Variants in SARNP observed in about 807,000 individuals in gnomAD.
The protein encoded by SARNP is SAP domain-containing ribonucleoprotein.
SARNP carries 5 observed loss-of-function variants against 38.1 expected under a neutral mutation model. The observed-to-expected ratio is 0.13, with a 90% CI of 0.07 to 0.28. The LOEUF (loss-of-function observed/expected upper bound fraction) is 0.28, where lower values mean the gene tolerates loss of function less well. Ranked by LOEUF, SARNP falls within the 10% of genes least tolerant of loss-of-function variation. The pLI is 1.00. For missense variants in SARNP, 180 were observed against 243.9 expected, an observed-to-expected ratio of 0.74 and a Z score of 1.75; for synonymous variants, 84 against 80.6, an observed-to-expected ratio of 1.04 and a Z score of -0.23.
chr12:55,774,581 A>AAAAAAAC (rs1879114961), intron 9 of SARNP, among the ~76,000 whole-genome samples: 2 of 29,732 alleles, frequency 6.7e-5, no homozygotes, highest in African/African-American at 1.1e-4. Flanking sequence ...AAAACAAACA[A>AAAAAAAC]AAAAAAAAAA....
chr12:55,772,148 A>G (rs1366196048), intron 9 of SARNP, among the ~76,000 whole-genome samples: 1 of 152,202 alleles, frequency 6.6e-6, no homozygotes, highest in Admixed American at 6.5e-5. Context: ...GTGAGAGACC[A>G]GACTAGCAGC....
chr12:55,814,899 C>T (rs76067217), intron 1 of SARNP, among the ~76,000 whole-genome samples: 13 of 151,670 alleles, frequency 8.6e-5, no homozygotes, highest in African/African-American at 2.4e-4. Context: ...AGAATGACTG[C>T]ATTTCTACAA....
rs78532791 is a variant in SARNP at position 55,760,114 on chromosome 12, A to G, written c.591+437T>C. Among the ~76,000 whole-genome samples the G allele has an allele frequency of 3.2e-3, 484 of 152,318 alleles. 2 individuals carry two copies. Among genetic ancestry groups the G allele is most frequent in the African/African-American group, 0.011 (448 of 41,566 alleles). ...TGCCACTAGTCTAACAGACTCTAAC[A>G]CTGAATTAAGTATATTGATGGAATT... On this transcript the variant is annotated intron_variant, in intron 10 of 10. Coordinates refer to ENST00000336133, the MANE Select transcript of SARNP (RefSeq NM_033082.4).
intron 9 of SARNP, among the ~76,000 whole-genome samples, chr12:55,772,763 G>A (rs2136184369): frequency 6.9e-6 from 1 of 144,762 alleles, no homozygotes; most frequent in Non-Finnish European, 1.5e-5. Flanking sequence ...TGCCCAGGAT[G>A]GAGTGCAATG....
At chr12:55,766,369 T>C (rs958292664) in intron 9 of SARNP, among the ~76,000 whole-genome samples, 3 of 152,190 alleles carry the variant, frequency 2.0e-5, no homozygotes, top group Admixed American at 6.5e-5. Context: ...AATACATTCA[T>C]TGGATGTTCA....
intron 10 of SARNP, among the ~76,000 whole-genome samples, chr12:55,757,961 C>T (rs1254403889): frequency 6.6e-6 from 1 of 152,112 alleles, no homozygotes; most frequent in Admixed American, 6.6e-5. Flanking sequence ...AAGGATTAAC[C>T]AATGCTATTC....
intron 4 of SARNP, among the ~76,000 whole-genome samples, chr12:55,799,982 G>C (rs992841711): frequency 1.3e-5 from 2 of 151,740 alleles, no homozygotes; most frequent in African/African-American, 4.8e-5. Context: ...TTGAGGTCAG[G>C]AGTTCAAAAC....
chr12:55,786,387 C>A (rs950955811), intron 9 of SARNP, among the ~76,000 whole-genome samples: 2 of 152,194 alleles, frequency 1.3e-5, no homozygotes, highest in South Asian at 4.1e-4. Flanking sequence ...GGCCGCAGAA[C>A]CAAGGCACCC....
intron 1 of SARNP, among the ~76,000 whole-genome samples, chr12:55,807,849 T>C (rs1436313874): frequency 6.6e-6 from 1 of 151,862 alleles, no homozygotes; most frequent in East Asian, 1.9e-4. Flanking sequence ...TTAAGAATCT[T>C]GATCTTTCTC....
rs1004278303 is a variant in SARNP, at chr12:55,769,522, C to G, written c.502-8882G>C. ...TCTTGGGCAACTTGCTAGCTTTTTACCTTCTGAATCTTGTGAATCACCATA... is the reference window on the plus strand; with the variant it reads ...TCTTGGGCAACTTGCTAGCTTTTTAGCTTCTGAATCTTGTGAATCACCATA... On this transcript the variant is annotated intron_variant, in intron 9 of 10. Transcript: ENST00000336133. Among the ~76,000 whole-genome samples the G allele has an allele frequency of 2.0e-5, 3 of 152,208 alleles. No homozygotes were observed. In the East Asian group the frequency reaches 5.8e-4, roughly 29 times the overall value.
chr12:55,756,236 T>C (rs1878502238), downstream of SARNP: 1 of 152,208 alleles, frequency 6.6e-6, no homozygotes, highest in Non-Finnish European at 1.5e-5. Flanking sequence ...GTCAAAAATT[T>C]AACCAGCATT....
chr12:55,800,562 A>G lies in SARNP; in HGVS notation c.251T>C (p.Val84Ala). The G allele has an allele frequency of 6.3e-7, 1 of 1,599,034 alleles. No individual in the cohort carries two copies. The highest frequency in any genetic ancestry group is 8.6e-7 in the Non-Finnish European group (1 of 1,168,380). ...CAGATTATAAAAAAGGGATAATTAC[A>G]CATCAACAGTTTTTTCAGGGGGTTC... Reference protein sequence around the residue: ...EEEPPEKTVDVAAEKKVVKIT... With the variant: ...EEEPPEKTVDAAAEKKVVKIT... Residue 84 changes from valine (V) to alanine (A), a missense_variant and splice_region_variant, in exon 4 of 11, where the codon GTG becomes GCG. By Grantham distance (64) the Val-to-Ala change is moderately conservative. Around this residue, in one of 2 missense-constraint regions of SARNP, gnomAD observed 161 missense variants for 194.1 expected, o/e 0.83. Coordinates refer to ENST00000336133, the MANE Select transcript of SARNP (RefSeq NM_033082.4).
At chr12:55,789,027 A>G in intron 9 of SARNP, 48 bp downstream of exon 9, 2 of 1,262,124 alleles carry the variant, frequency 1.6e-6, no homozygotes, top group South Asian at 2.5e-5. Flanking sequence ...AGTTCCCATA[A>G]GCTGCTCTAA....
At chr12:55,787,039 G>A (rs1252998812) in intron 9 of SARNP, among the ~76,000 whole-genome samples, 1 of 151,760 alleles carries the variant, frequency 6.6e-6, no homozygotes, top group Non-Finnish European at 1.5e-5. Context: ...AGACCAGCTG[G>A]GCAACACAGA....
In SARNP at chr12:55,794,892, T is replaced by C. The variant is rs371849088; in HGVS notation, c.304-12A>G. 15 of 1,313,414 alleles carry C rather than the reference T, an allele frequency of 1.1e-5. No homozygotes were observed. The highest frequency in any genetic ancestry group is 3.2e-5 in the East Asian group (1 of 30,878). The allele number at this position is 1,313,414 out of a possible 1,614,324, so 81.4% of individuals were successfully genotyped here. ...CTCTTCTGCATTCTCTAAGTAAAAA[T>C]AGACAAAAGGGAGAAAAAAAAGTCA... On this transcript the variant is annotated splice_polypyrimidine_tract_variant and intron_variant, in intron 5 of 10. Transcript: ENST00000336133.
intron 9 of SARNP, among the ~76,000 whole-genome samples, chr12:55,774,452 G>A (rs1247387450): frequency 6.6e-6 from 1 of 151,074 alleles, no homozygotes; most frequent in Non-Finnish European, 1.5e-5. Flanking sequence ...AGGCACGGTG[G>A]CTCATGCCTG....
chr12:55,796,732 C>G (rs142488336), intron 4 of SARNP, among the ~76,000 whole-genome samples: 1 of 152,066 alleles, frequency 6.6e-6, no homozygotes, highest in Non-Finnish European at 1.5e-5. Flanking sequence ...AATGAGTAAC[C>G]CTCCAATCCT....
intron 1 of SARNP, among the ~76,000 whole-genome samples, chr12:55,813,254 AT>A (rs913493075): frequency 7.2e-5 from 11 of 152,064 alleles, no homozygotes; most frequent in Non-Finnish European, 1.2e-4. Flanking sequence ...TGTTTAGCTG[AT>A]TTTTTAAGAA....
rs775763541 is a variant in SARNP, at chr12:55,789,109, C to A, written c.467G>T (p.Arg156Ile). 1 of 1,603,606 alleles carries A rather than the reference C, an allele frequency of 6.2e-7. No homozygotes were observed. Among genetic ancestry groups the A allele is most frequent in the Non-Finnish European group, 8.5e-7 (1 of 1,176,504 alleles). ...GATTGAAGAGACATTCAAACCAAATCTTTGAGCTCTTTCCTTCAGCTTATC... is the reference window on the plus strand; with the variant it reads ...GATTGAAGAGACATTCAAACCAAATATTTGAGCTCTTTCCTTCAGCTTATC... Reference protein sequence around the residue: ...NLDKLKERAQRFGLNVSSISR... With the variant: ...NLDKLKERAQIFGLNVSSISR... The change falls in exon 9 of 11, where the codon AGA becomes ATA. Residue 156 changes from arginine to isoleucine, a missense_variant. Arg to Ile is a moderately conservative substitution (Grantham distance 97). This residue lies in a region of SARNP where 161 missense variants were observed against 194.1 expected (regional missense o/e 0.83). Coordinates refer to ENST00000336133, the MANE Select transcript of SARNP (RefSeq NM_033082.4).
Sources: allele counts gnomAD v4.1 joint callset (sites outside exome capture counted in the v4.1 genomes callset), GRCh38; gene constraint gnomAD v4.1.1; regional missense constraint gnomAD v4.1.1; transcripts MANE v1.5; gene names NCBI Gene and HGNC (gene_info 2026-07-23, HGNC 2026-07-21).